Variants in CNTLN observed in about 807,000 individuals in gnomAD.
The protein encoded by CNTLN is centlein.
CNTLN carries 212 observed loss-of-function variants against 180.0 expected under a neutral mutation model. The observed-to-expected ratio is 1.18, with a 90% CI of 1.05 to 1.32. The LOEUF (loss-of-function observed/expected upper bound fraction) is 1.32, where lower values mean the gene tolerates loss of function less well. Ranked by LOEUF, CNTLN falls within the 40% of genes most tolerant of loss-of-function variation. The pLI, the probability that CNTLN is intolerant of heterozygous loss-of-function variation, is 0.00. For synonymous variants in CNTLN, 722 were observed against 563.1 expected, an observed-to-expected ratio of 1.28 and a Z score of -3.99; for missense variants, 2,095 against 1,610.9, an observed-to-expected ratio of 1.30 and a Z score of -5.14.
intron 25 of CNTLN, among the ~76,000 whole-genome samples, chr9:17,491,152 C>G (rs759666094): frequency 2.6e-5 from 4 of 151,964 alleles, no homozygotes; most frequent in Non-Finnish European, 5.9e-5. Flanking sequence ...CAAAACAGTC[C>G]TTTGCACTTG....
intron 7 of CNTLN, among the ~76,000 whole-genome samples, chr9:17,306,144 C>CCATTTTTTTTTTTTTTTTTTTT (rs1422875354): frequency 8.3e-6 from 1 of 120,186 alleles, no homozygotes. Context: ...TATTAGTCGT[C>CCATTTTTTTTTTTTTTTTTTTT]TATTTTTTTT....
intron 2 of CNTLN, among the ~76,000 whole-genome samples, chr9:17,150,462 G>C (rs923112327): frequency 7.9e-5 from 12 of 152,198 alleles, no homozygotes; most frequent in Non-Finnish European, 1.0e-4. Flanking sequence ...GATGGTTGTA[G>C]CTGTGTGGTG....
chr9:17,352,032 G>T (rs1055116818), intron 12 of CNTLN, among the ~76,000 whole-genome samples: 13 of 152,110 alleles, frequency 8.5e-5, no homozygotes, highest in African/African-American at 3.1e-4. Flanking sequence ...GAAGGCAGTT[G>T]AGCTGGAGTC....
At position 17,502,657 on chromosome 9, in the gene CNTLN, A is replaced by G. The variant is rs767115956; in HGVS notation, c.*5A>G. On this transcript the variant is annotated 3_prime_UTR_variant, in exon 26 of 26. Coordinates refer to ENST00000380647, the MANE Select transcript of CNTLN (RefSeq NM_017738.4). Reference sequence around the variant, plus strand: ...ATTATGAAAGATATTAGATGATATTAAAATGGAGAGCTTTATTGCAAATGT... The same window carrying G: ...ATTATGAAAGATATTAGATGATATTGAAATGGAGAGCTTTATTGCAAATGT... 1 of 1,148,914 alleles carries G rather than the reference A, an allele frequency of 8.7e-7. No individual in the cohort carries two copies. The highest frequency in any genetic ancestry group is 1.6e-5 in the South Asian group (1 of 64,370). The allele number at this position is 1,148,914 out of a possible 1,614,324, so 71.2% of individuals were successfully genotyped here.
intron 3 of CNTLN, among the ~76,000 whole-genome samples, chr9:17,233,547 T>C (rs971323907): frequency 6.6e-6 from 1 of 152,136 alleles, no homozygotes; most frequent in Non-Finnish European, 1.5e-5. Flanking sequence ...TGAAAAACAC[T>C]GCTTGGGAGA....
At chr9:17,420,687 C>G (rs934351258) in intron 18 of CNTLN, among the ~76,000 whole-genome samples, 18 of 151,998 alleles carry the variant, frequency 1.2e-4, no homozygotes, top group Admixed American at 9.8e-4. Context: ...GATGTAAGCA[C>G]TTTTAGGTAT....
chr9:17,202,184 C>G (rs142906621), intron 2 of CNTLN, among the ~76,000 whole-genome samples: 99 of 152,298 alleles, frequency 6.5e-4, no homozygotes, highest in African/African-American at 2.2e-3. Flanking sequence ...TTTGATTACA[C>G]TGTGGTCTGA....
At chr9:17,437,025 G>A (rs1256192766) in intron 18 of CNTLN, among the ~76,000 whole-genome samples, 1 of 152,198 alleles carries the variant, frequency 6.6e-6, no homozygotes, top group Non-Finnish European at 1.5e-5. Context: ...ACACAGTGCG[G>A]TTATTGATCT....
At chr9:17,289,452 C>T (rs1430207614) in intron 6 of CNTLN, among the ~76,000 whole-genome samples, 1 of 130,510 alleles carries the variant, frequency 7.7e-6, no homozygotes. Context: ...TTTTTTCCTT[C>T]ATTTCAACTT....
chr9:17,312,365 T>TATATAATATATATATATATATA (rs1563984878), intron 8 of CNTLN, among the ~76,000 whole-genome samples: 670 of 7,068 alleles, frequency 0.095, 9 homozygotes, highest in African/African-American at 0.15. Flanking sequence ...ATATATATAT[T>TATATAATATATATATATATATA]ATATATATAT....
chr9:17,393,436 C>T lies in CNTLN; in HGVS notation c.2080-1098C>T, dbSNP rs185907546. Among the ~76,000 whole-genome samples the T allele has an allele frequency of 2.0e-5, 3 of 152,216 alleles. No individual in the cohort carries two copies. The East Asian group carries it at 5.8e-4, about 29-fold the overall frequency. On this transcript the variant is annotated intron_variant, in intron 14 of 25. Coordinates refer to ENST00000380647, the MANE Select transcript of CNTLN (RefSeq NM_017738.4). ...TTGCTTGTCTCCAGTTTTTTCTTGA[C>T]TCCAAATCTTTGTTCATTTTCCATA...
intron 2 of CNTLN, among the ~76,000 whole-genome samples, chr9:17,198,529 T>C (rs1028758070): frequency 2.0e-5 from 3 of 150,184 alleles, no homozygotes; most frequent in Middle Eastern, 3.2e-3. Context: ...GGGATTACTT[T>C]CTTGATTTTT....
At chr9:17,316,403 T>C (rs1465545307) in intron 8 of CNTLN, among the ~76,000 whole-genome samples, 3 of 152,102 alleles carry the variant, frequency 2.0e-5, no homozygotes, top group African/African-American at 7.2e-5. Context: ...AAATTCCACC[T>C]ATAATTTGAG....
intron 2 of CNTLN, among the ~76,000 whole-genome samples, chr9:17,192,400 G>T (rs1055586976): frequency 1.3e-5 from 2 of 151,740 alleles, no homozygotes; most frequent in South Asian, 4.2e-4. Flanking sequence ...CACCGTGCCC[G>T]GCTAATTTTT....
intron 8 of CNTLN, among the ~76,000 whole-genome samples, chr9:17,310,565 G>A (rs1367487831): frequency 1.3e-5 from 2 of 152,128 alleles, no homozygotes; most frequent in African/African-American, 4.8e-5. Flanking sequence ...ACACGTTCAT[G>A]CATCTTTGTG....
chr9:17,387,030 T>A (rs1825734636), intron 13 of CNTLN, among the ~76,000 whole-genome samples: 1 of 152,178 alleles, frequency 6.6e-6, no homozygotes, highest in Admixed American at 6.5e-5. Flanking sequence ...ATTCTACCTA[T>A]CCTAGCTTTT....
chr9:17,459,545 TAAA>T (rs1031093546), intron 19 of CNTLN, among the ~76,000 whole-genome samples: 6 of 151,872 alleles, frequency 4.0e-5, no homozygotes, highest in African/African-American at 1.4e-4. Context: ...TGTCTACTAC[TAAA>T]AATTTTTGTT....
At chr9:17,233,183 A>AT (rs1824918302) in intron 3 of CNTLN, among the ~76,000 whole-genome samples, 1 of 152,064 alleles carries the variant, frequency 6.6e-6, no homozygotes, top group East Asian at 1.9e-4. Context: ...TGTTAGTATG[A>AT]TCCCCACGCT....
At chr9:17,422,844 C>G (rs1453349174) in intron 18 of CNTLN, among the ~76,000 whole-genome samples, 1 of 152,060 alleles carries the variant, frequency 6.6e-6, no homozygotes, top group Non-Finnish European at 1.5e-5. Flanking sequence ...CTTTTTTGTG[C>G]TCATCCTTCT....
Sources: allele counts gnomAD v4.1 joint callset (sites outside exome capture counted in the v4.1 genomes callset), GRCh38; gene constraint gnomAD v4.1.1; transcripts MANE v1.5; gene names NCBI Gene and HGNC (gene_info 2026-07-23, HGNC 2026-07-21).